The following GPM6A variants were observed in gnomAD, a reference collection of about 807,000 sequenced individuals.
GPM6A encodes the protein glycoprotein M6A, also known as neuronal membrane glycoprotein M6-a.
In GPM6A, 7 loss-of-function variants were observed where a neutral mutation model predicts 32.1. The ratio of observed to expected loss-of-function variants is 0.22; its 90% CI spans 0.12 to 0.41. The LOEUF (loss-of-function observed/expected upper bound fraction) is 0.41. Ranked by LOEUF, GPM6A falls within the 10% of genes least tolerant of loss-of-function variation. The pLI, the probability that GPM6A is intolerant of heterozygous loss-of-function variation, is 1.00. For missense variants in GPM6A, 235 were observed against 347.2 expected (o/e 0.68, Z 2.57); for synonymous variants, 130 against 123.4 (o/e 1.05, Z -0.35).
intron 3 of GPM6A, among the ~76,000 whole-genome samples, chr4:175,668,652 T>C (rs1310214718): frequency 6.6e-6 from 1 of 151,760 alleles, no homozygotes; most frequent in Non-Finnish European, 1.5e-5. Flanking sequence ...AAAAGTCTGT[T>C]AGTCACAGAA....
chr4:175,733,004 A>T (rs901066403), intron 1 of GPM6A, among the ~76,000 whole-genome samples: 1 of 152,198 alleles, frequency 6.6e-6, no homozygotes, highest in Non-Finnish European at 1.5e-5. Flanking sequence ...ACAACCACCG[A>T]GTGTGGGACC....
At chr4:175,871,342 T>C (rs1736901220) in intron 1 of GPM6A, among the ~76,000 whole-genome samples, 1 of 151,950 alleles carries the variant, frequency 6.6e-6, no homozygotes, top group African/African-American at 2.4e-5. Flanking sequence ...TGGTAGTGGA[T>C]GCCTGTAATT....
chr4:175,663,375 T>C (rs1320792880), intron 3 of GPM6A, among the ~76,000 whole-genome samples: 1 of 152,154 alleles, frequency 6.6e-6, no homozygotes, highest in Non-Finnish European at 1.5e-5. Flanking sequence ...AGAAGTGAGC[T>C]GGAGGTGATG....
At chr4:175,994,677 T>C (rs758995529) in intron 1 of GPM6A, among the ~76,000 whole-genome samples, 1 of 152,218 alleles carries the variant, frequency 6.6e-6, no homozygotes, top group Non-Finnish European at 1.5e-5. Context: ...AGGGTGGTGG[T>C]TGCTGAAGGT....
At chr4:175,905,806 C>G (rs955604531) in intron 1 of GPM6A, among the ~76,000 whole-genome samples, 11 of 152,120 alleles carry the variant, frequency 7.2e-5, no homozygotes, top group African/African-American at 2.4e-4. Flanking sequence ...CGCCGATGTT[C>G]ATGCTTTCCT....
intron 1 of GPM6A, among the ~76,000 whole-genome samples, chr4:175,958,697 T>C (rs1320950087): frequency 2.0e-5 from 3 of 152,214 alleles, no homozygotes; most frequent in Non-Finnish European, 4.4e-5. Flanking sequence ...CATCTTGAAA[T>C]AAACTAGGGT....
At chr4:175,772,009 T>C (rs1733211142) in intron 1 of GPM6A, among the ~76,000 whole-genome samples, 1 of 152,234 alleles carries the variant, frequency 6.6e-6, no homozygotes, top group African/African-American at 2.4e-5. Flanking sequence ...TCCTGTCATT[T>C]TCTCCTGTGC....
chr4:175,636,062 C>T (rs1411536646), intron 6 of GPM6A, among the ~76,000 whole-genome samples: 1 of 151,400 alleles, frequency 6.6e-6, no homozygotes, highest in Non-Finnish European at 1.5e-5. Context: ...AGTCAACAAA[C>T]AGCAAAAAAC....
At chr4:175,768,630 A>G (rs1733066473) in intron 1 of GPM6A, among the ~76,000 whole-genome samples, 1 of 152,114 alleles carries the variant, frequency 6.6e-6, no homozygotes, top group African/African-American at 2.4e-5. Context: ...TAGAAAGTTC[A>G]TTTGCTCCTT....
intron 1 of GPM6A, among the ~76,000 whole-genome samples, chr4:175,730,862 C>T (rs540250186): frequency 1.3e-5 from 2 of 152,272 alleles, no homozygotes; most frequent in African/African-American, 4.8e-5. Context: ...AAACTGCCCA[C>T]TAATGACCCC....
intron 1 of GPM6A, among the ~76,000 whole-genome samples, chr4:175,980,579 G>C (rs1740791022): frequency 6.6e-6 from 1 of 152,106 alleles, no homozygotes. Context: ...TAAATAAACT[G>C]GGGTTCTTAA....
chr4:175,668,859 C>A (rs1042103529), intron 3 of GPM6A, among the ~76,000 whole-genome samples: 1 of 152,120 alleles, frequency 6.6e-6, no homozygotes, highest in Non-Finnish European at 1.5e-5. Context: ...AAAAGACCCT[C>A]GTAAACAGAT....
chr4:175,735,984 C>T (rs192803741), intron 1 of GPM6A, among the ~76,000 whole-genome samples: 11 of 152,230 alleles, frequency 7.2e-5, no homozygotes, highest in African/African-American at 2.6e-4. Flanking sequence ...CGGTTTCATC[C>T]ACAAGGTCTG....
At chr4:175,945,710 A>G (rs1039859180) in intron 1 of GPM6A, among the ~76,000 whole-genome samples, 1 of 151,248 alleles carries the variant, frequency 6.6e-6, no homozygotes, top group East Asian at 1.9e-4. Flanking sequence ...TGTAAGTTAT[A>G]TTACTTATAA....
chr4:175,948,308 T>G (rs1324703515), intron 1 of GPM6A, among the ~76,000 whole-genome samples: 1 of 152,166 alleles, frequency 6.6e-6, no homozygotes, highest in East Asian at 1.9e-4. Context: ...ATAAATAGAA[T>G]TAGTTTCCAT....
Position 175,673,850 on chromosome 4 carries a change from CAA to C in GPM6A, c.231-16_231-15del, listed in dbSNP as rs747484125. Reference sequence around the variant, plus strand: ...AAGATGTCAATCCTGAGAGAAAAGACAAAGTGATTTATTTCAATAACTTTTCA... The same window carrying C: ...AAGATGTCAATCCTGAGAGAAAAGACAGTGATTTATTTCAATAACTTTTCA... On this transcript the variant is annotated splice_polypyrimidine_tract_variant and intron_variant, in intron 2 of 6. Coordinates refer to ENST00000393658, the MANE Select transcript of GPM6A (RefSeq NM_201591.3). The C allele has an allele frequency of 1.3e-6, 2 of 1,570,996 alleles. No homozygotes were observed. The highest frequency in any genetic ancestry group is 2.3e-5 in the South Asian group (2 of 87,552).
At chr4:175,864,208 C>A (rs904841465) in intron 1 of GPM6A, among the ~76,000 whole-genome samples, 3 of 152,044 alleles carry the variant, frequency 2.0e-5, no homozygotes, top group Admixed American at 2.0e-4. Context: ...TGACTGTGGC[C>A]CAGGTTGTAA....
chr4:175,762,393 C>A (rs1026734251), intron 1 of GPM6A, among the ~76,000 whole-genome samples: 4 of 152,058 alleles, frequency 2.6e-5, no homozygotes, highest in African/African-American at 9.7e-5. Flanking sequence ...ATTCATTCAC[C>A]CAACAACATT....
chr4:175,979,307 AC>A (rs1470038085), intron 1 of GPM6A, among the ~76,000 whole-genome samples: 4 of 141,650 alleles, frequency 2.8e-5, no homozygotes, highest in African/African-American at 1.2e-4. Context: ...TTTAAACACA[AC>A]TTTTCCAGGT....
Sources: gnomAD v4.1 joint callset for allele counts (sites outside exome capture counted in the v4.1 genomes callset) on GRCh38, gnomAD v4.1.1 for gene constraint, MANE v1.5 for transcripts, NCBI Gene and HGNC (gene_info 2026-07-23, HGNC 2026-07-21) for gene names.